FILIP1: variants seen among roughly 807,000 people sequenced by gnomAD.
The protein encoded by FILIP1 is filamin A interacting protein 1.
FILIP1 carries 61 observed loss-of-function variants against 102.1 expected under a neutral mutation model. The ratio of observed to expected loss-of-function variants is 0.60; its 90% CI spans 0.49 to 0.74. FILIP1 has a LOEUF of 0.74. Ranked by LOEUF, FILIP1 falls within the 30% of genes least tolerant of loss-of-function variation. The pLI, the probability that FILIP1 is intolerant of heterozygous loss-of-function variation, is 0.00. For synonymous variants in FILIP1, 491 were observed against 526.9 expected (o/e 0.93, Z 0.93); for missense variants, 1,314 against 1,441.2 (o/e 0.91, Z 1.43).
At chr6:75,416,306 A>C (rs1212750195) in intron 1 of FILIP1, among the ~76,000 whole-genome samples, 1 of 152,168 alleles carries the variant, frequency 6.6e-6, no homozygotes, top group Non-Finnish European at 1.5e-5. Context: ...TTTTTTAAAA[A>C]TTGAACTCGT....
intron 1 of FILIP1, among the ~76,000 whole-genome samples, chr6:75,444,282 A>G (rs1362603897): frequency 6.6e-6 from 1 of 152,206 alleles, no homozygotes; most frequent in Non-Finnish European, 1.5e-5. Context: ...TGGTTCTCAT[A>G]TTCTCCACTT....
In FILIP1 at chr6:75,349,077, C is replaced by T. The variant is rs1774694418; in HGVS notation, c.629+4462G>A. On this transcript the variant is annotated intron_variant, in intron 4 of 5. Transcript: ENST00000237172. ...ATCTTGGTTGAGTTACATAATTGTT[C>T]TAGGCCTCAATGTCTCCACCTGTAG... Among the ~76,000 whole-genome samples the T allele has an allele frequency of 1.3e-5, 2 of 152,160 alleles. 1 individual carries two copies. Among genetic ancestry groups the T allele is most frequent in the South Asian group, 4.1e-4 (2 of 4,826 alleles).
chr6:75,446,986 C>T (rs923907817), intron 1 of FILIP1, among the ~76,000 whole-genome samples: 2 of 152,120 alleles, frequency 1.3e-5, no homozygotes, highest in African/African-American at 2.4e-5. Context: ...CCTTGGTTAA[C>T]ATTGGTGTCA....
chr6:75,317,233 C>T (rs1773475376), intron 4 of FILIP1, among the ~76,000 whole-genome samples: 1 of 152,142 alleles, frequency 6.6e-6, no homozygotes, highest in East Asian at 1.9e-4. Context: ...GATATTAACC[C>T]ATTTATGCTG....
chr6:75,459,016 G>A (rs1441177297), intron 1 of FILIP1: 2 of 152,168 alleles, frequency 1.3e-5, no homozygotes, highest in Non-Finnish European at 2.9e-5. Flanking sequence ...GAAATAACAC[G>A]AAGTGGTGTA....
chr6:75,379,141 T>C lies in FILIP1; in HGVS notation c.277-16224A>G, dbSNP rs73457747. ...ACCCTTTAAAATGAATTAAATGTTA[T>C]GCATTTCATAAAAGTAAGTTGTTAT... On this transcript the variant is annotated intron_variant, in intron 2 of 5. Coordinates refer to ENST00000237172, the MANE Select transcript of FILIP1 (RefSeq NM_015687.5). Among the ~76,000 whole-genome samples, 687 of 152,334 alleles carry C rather than the reference T, an allele frequency of 4.5e-3. 9 individuals carry two copies. Among genetic ancestry groups the C allele is most frequent in the African/African-American group, 0.016 (645 of 41,582 alleles).
At position 75,404,120 on chromosome 6, in the gene FILIP1, C is replaced by G. The variant is rs567755353; in HGVS notation, c.276+10577G>C. On this transcript the variant is annotated intron_variant, in intron 2 of 5. Transcript: ENST00000237172. ...TGCCACACAGCATGCATCTATAGTC[C>G]TAGGCACTTGAGAGGCTGAGGTGGG... Among the ~76,000 whole-genome samples, 3 of 152,258 alleles carry G rather than the reference C, an allele frequency of 2.0e-5. No homozygotes were observed. In the South Asian group the frequency reaches 6.2e-4, roughly 32 times the overall value.
chr6:75,413,523 C>T (rs927574176), intron 2 of FILIP1, among the ~76,000 whole-genome samples: 1 of 151,922 alleles, frequency 6.6e-6, no homozygotes, highest in African/African-American at 2.4e-5. Flanking sequence ...TTTTTCTTTA[C>T]CCCAGGGATT....
chr6:75,354,729 C>T (rs377727489), intron 3 of FILIP1, among the ~76,000 whole-genome samples: 109 of 152,246 alleles, frequency 7.2e-4, no homozygotes, highest in Middle Eastern at 3.4e-3. Context: ...AACTCTTTCA[C>T]GGTTTTAATG....
intron 4 of FILIP1, among the ~76,000 whole-genome samples, chr6:75,329,161 C>CA (rs1773978739): frequency 6.6e-6 from 1 of 152,116 alleles, no homozygotes. Context: ...CCTAATTATC[C>CA]ATTCTTGTGA....
chr6:75,362,747 T>C lies in FILIP1; in HGVS notation c.447A>G (p.Ser149=). Residue 149 remains serine, a synonymous_variant, in exon 3 of 6, where the codon TCA becomes TCG. Coordinates refer to ENST00000237172, the MANE Select transcript of FILIP1 (RefSeq NM_015687.5). The part of the protein sequence containing the change: ...IGEDVYEKPI[S]ELDRLEEKQK... ...CTTGTTGGTGTCATATTTTTACCTC[T>C]GAAATCGGTTTCTCATAGACATCTT... 6.2e-7 allele frequency: 1 copy of C among 1,612,924 alleles called. No individual in the cohort carries two copies. Among genetic ancestry groups the C allele is most frequent in the Non-Finnish European group, 8.5e-7 (1 of 1,179,836 alleles).
chr6:75,317,174 T>C (rs895375297), intron 4 of FILIP1, among the ~76,000 whole-genome samples: 14 of 152,158 alleles, frequency 9.2e-5, no homozygotes, highest in African/African-American at 3.1e-4. Flanking sequence ...GGCCAATCAC[T>C]GAAACTCTCT....
chr6:75,359,360 G>A (rs942884487), intron 3 of FILIP1, among the ~76,000 whole-genome samples: 1 of 152,150 alleles, frequency 6.6e-6, no homozygotes, highest in African/African-American at 2.4e-5. Context: ...ATGTTGGGAT[G>A]TAGTGTTTGA....
intron 2 of FILIP1, among the ~76,000 whole-genome samples, chr6:75,376,528 C>A (rs976609338): frequency 2.6e-5 from 4 of 152,122 alleles, no homozygotes; most frequent in Admixed American, 6.5e-5. Flanking sequence ...CCCCAACCTG[C>A]ATGAGAATGA....
chr6:75,296,506 T>TTATTAG (rs1772684098), intron 6 of FILIP1: 1 of 147,254 alleles, frequency 6.8e-6, no homozygotes, highest in Non-Finnish European at 1.5e-5. Context: ...ATTATTATTA[T>TTATTAG]TATTATTATT....
chr6:75,325,657 T>C (rs1773820477), intron 4 of FILIP1, among the ~76,000 whole-genome samples: 1 of 152,136 alleles, frequency 6.6e-6, no homozygotes, highest in Non-Finnish European at 1.5e-5. Flanking sequence ...CACCACTACT[T>C]ATCAGGAAAA....
intron 1 of FILIP1, chr6:75,454,007 A>G (rs540683214): frequency 7.2e-5 from 33 of 456,652 alleles, no homozygotes; most frequent in South Asian, 5.1e-4. Context: ...TTAAAACAAC[A>G]TCCATTTATT....
At chr6:75,355,390 G>T (rs1469866182) in intron 3 of FILIP1, among the ~76,000 whole-genome samples, 1 of 144,584 alleles carries the variant, frequency 6.9e-6, no homozygotes, top group African/African-American at 2.6e-5. Flanking sequence ...CAGGTTATAA[G>T]ATTTTTTTTT....
intron 1 of FILIP1, among the ~76,000 whole-genome samples, chr6:75,480,595 T>C (rs1279308656): frequency 6.6e-6 from 1 of 152,196 alleles, no homozygotes; most frequent in Non-Finnish European, 1.5e-5. Context: ...GTTTATTGCC[T>C]CAGCAGCAGT....
Sources: gnomAD v4.1 joint callset for allele counts (sites outside exome capture counted in the v4.1 genomes callset) on GRCh38, gnomAD v4.1.1 for gene constraint, MANE v1.5 for transcripts, NCBI Gene and HGNC (gene_info 2026-07-23, HGNC 2026-07-21) for gene names.